Variants in GLB1 observed in about 807,000 individuals in gnomAD.
GLB1 encodes galactosidase beta 1.
Under a neutral mutation model 74.0 loss-of-function variants are expected in GLB1, and 56 were observed. The ratio of observed to expected loss-of-function variants is 0.76; its 90% CI spans 0.61 to 0.94. The LOEUF is 0.94. Ranked by LOEUF, GLB1 falls within the 40% of genes least tolerant of loss-of-function variation. GLB1 has a pLI of 0.00. For synonymous variants in GLB1, 323 were observed against 323.6 expected (o/e 1.00, Z 0.02); for missense variants, 787 against 845.5 (o/e 0.93, Z 0.86).
At chr3:33,044,637 A>G (rs1329376180) in intron 10 of GLB1, among the ~76,000 whole-genome samples, 1 of 152,206 alleles carries the variant, frequency 6.6e-6, no homozygotes, top group East Asian at 1.9e-4. Context: ...TTGAAAATTT[A>G]GATGAAATGG....
chr3:33,074,410 A>AAGAAAGAAAG, intron 1 of GLB1, among the ~76,000 whole-genome samples: 1 of 137,004 alleles, frequency 7.3e-6, no homozygotes, highest in Non-Finnish European at 1.6e-5. Context: ...GAAAGAAAGA[A>AAGAAAGAAAG]TATTACACAT....
the GLB1 span, among the ~76,000 whole-genome samples, chr3:32,982,549 ACT>A: frequency 2.0e-5 from 3 of 152,018 alleles, no homozygotes; most frequent in Non-Finnish European, 4.4e-5. Flanking sequence ...AGAAATTTTA[ACT>A]CTATTTCTAT....
intron 6 of GLB1, 25 bp downstream of exon 6, chr3:33,058,064 A>G: frequency 1.2e-6 from 2 of 1,612,716 alleles, no homozygotes; most frequent in Non-Finnish European, 1.7e-6. Context: ...TTTAAGCTGC[A>G]ATTTCTGTTA....
chr3:33,028,791 G>A (rs770027015), intron 10 of GLB1, among the ~76,000 whole-genome samples: 8 of 151,880 alleles, frequency 5.3e-5, no homozygotes, highest in Non-Finnish European at 7.4e-5. Context: ...TCAGCCTCCC[G>A]AGTAGCTGGG....
At chr3:32,987,201 C>T in the GLB1 span, among the ~76,000 whole-genome samples, 1 of 152,214 alleles carries the variant, frequency 6.6e-6, no homozygotes, top group African/African-American at 2.4e-5. Context: ...AAGACTGGCC[C>T]TCTTGACTCA....
chr3:32,994,191 A>G (rs763260396), downstream of GLB1, among the ~76,000 whole-genome samples: 6 of 152,210 alleles, frequency 3.9e-5, no homozygotes, highest in Non-Finnish European at 5.9e-5. Flanking sequence ...ATCAGCTGGC[A>G]AATGGATAAA....
chr3:33,048,279 T>A (rs754606591), intron 9 of GLB1, among the ~76,000 whole-genome samples: 6 of 152,134 alleles, frequency 3.9e-5, no homozygotes, highest in African/African-American at 1.2e-4. Flanking sequence ...TTTGTTCTAG[T>A]TCTACTGGCA....
intron 11 of GLB1, among the ~76,000 whole-genome samples, 164 bp downstream of exon 11, chr3:33,024,087 T>C (rs1056133358): frequency 3.3e-5 from 5 of 152,144 alleles, no homozygotes; most frequent in Non-Finnish European, 5.9e-5. Flanking sequence ...TCTCTCCCCA[T>C]TTTCCCAGAA....
chr3:32,992,504 C>A (rs952750869), downstream of GLB1, among the ~76,000 whole-genome samples: 11 of 152,200 alleles, frequency 7.2e-5, no homozygotes, highest in African/African-American at 1.4e-4. Flanking sequence ...AAATGCTATA[C>A]AAGGTACTTT....
In GLB1 at chr3:33,021,548, T is replaced by A. The variant is rs2125474599; in HGVS notation, c.1233+18A>T. 1.9e-6 allele frequency: 3 copies of A among 1,612,298 alleles called. No individual in the cohort carries two copies. The highest frequency in any genetic ancestry group is 1.7e-4 in the Middle Eastern group (1 of 6,050). ...TTGCAAGTAGAAAAAAGGCGAGGCA[T>A]TACCTTTGAAGGCCTACCTGTTTCA... On this transcript the variant is annotated intron_variant, in intron 12 of 15. Transcript: ENST00000307363.
At chr3:32,980,145 A>G in the GLB1 span, among the ~76,000 whole-genome samples, 2 of 152,238 alleles carry the variant, frequency 1.3e-5, no homozygotes, top group Admixed American at 6.5e-5. Flanking sequence ...ACTGTGCAAT[A>G]AGGACATTAG....
chr3:33,075,752 G>T (rs1000927255), intron 1 of GLB1, among the ~76,000 whole-genome samples: 4 of 152,146 alleles, frequency 2.6e-5, no homozygotes, highest in African/African-American at 7.2e-5. Context: ...AATCTTGGCT[G>T]CACAGCAAAA....
chr3:33,096,323 ACGCCC>A (rs1701024822), intron 1 of GLB1: 2 of 929,744 alleles, frequency 2.2e-6, no homozygotes, highest in South Asian at 9.9e-5. Context: ...CCAACTGTGC[ACGCCC>A]CGCACCTCAC....
At chr3:33,002,045 C>T (rs1032316514) in intron 15 of GLB1, among the ~76,000 whole-genome samples, 11 of 150,634 alleles carry the variant, frequency 7.3e-5, no homozygotes, top group Admixed American at 1.3e-4. Flanking sequence ...AGTAGATACA[C>T]TCTTAATGAA....
chr3:32,978,408 C>A, the GLB1 span, among the ~76,000 whole-genome samples: 1 of 152,032 alleles, frequency 6.6e-6, no homozygotes, highest in Admixed American at 6.6e-5. Context: ...AACAAATTTC[C>A]TGTTTCAATT....
chr3:33,007,523 GT>G (rs1206422838), intron 15 of GLB1, among the ~76,000 whole-genome samples: 13 of 152,188 alleles, frequency 8.5e-5, no homozygotes, highest in Admixed American at 8.5e-4. Flanking sequence ...ATTCTTCCAT[GT>G]TGTAACATGT....
At chr3:33,033,069 T>C (rs1698120219) in intron 10 of GLB1, among the ~76,000 whole-genome samples, 1 of 152,236 alleles carries the variant, frequency 6.6e-6, no homozygotes, top group Admixed American at 6.5e-5. Flanking sequence ...ATATGATTCC[T>C]GGTTACTTCC....
chr3:32,964,660 G>A, the GLB1 span, among the ~76,000 whole-genome samples: 1 of 152,176 alleles, frequency 6.6e-6, no homozygotes, highest in Non-Finnish European at 1.5e-5. Flanking sequence ...AGTTGAACAT[G>A]TACCTATTTT....
intron 2 of GLB1, 135 bp downstream of exon 2, chr3:33,072,409 G>T: frequency 1.5e-6 from 2 of 1,373,562 alleles, no homozygotes; most frequent in Non-Finnish European, 2.0e-6. Flanking sequence ...CTCATGACAA[G>T]CCCCTCCCAG....
Sources: gnomAD v4.1 joint callset for allele counts (sites outside exome capture counted in the v4.1 genomes callset) on GRCh38, gnomAD v4.1.1 for gene constraint, MANE v1.5 for transcripts, NCBI Gene and HGNC (gene_info 2026-07-23, HGNC 2026-07-21) for gene names.